The following STXBP2 variants were observed in gnomAD, a reference collection of about 807,000 sequenced individuals.
The protein encoded by STXBP2 is syntaxin-binding protein 2.
Under a neutral mutation model 72.2 loss-of-function variants are expected in STXBP2, and 47 were observed. That is an observed-to-expected ratio of 0.65 (90% CI 0.51 to 0.83). STXBP2 has a LOEUF of 0.83. STXBP2 is among the 40% of genes least tolerant of loss of function. The pLI, the probability that STXBP2 is intolerant of heterozygous loss-of-function variation, is 0.00. For synonymous variants in STXBP2, 367 were observed against 338.7 expected (o/e 1.08, Z -0.92); for missense variants, 702 against 807.6 (o/e 0.87, Z 1.58).
At chr19:7,640,495 T>TGCATCTGTGTGTGTGTGC (rs2031814007) in intron 4 of STXBP2, 1 of 688,124 alleles carries the variant, frequency 1.5e-6, no homozygotes, top group Non-Finnish European at 2.6e-6. Context: ...TATGTGTGTG[T>TGCATCTGTGTGTGTGTGC]GCATCTGTGT....
chr19:7,633,542 G>A (rs1357629060), upstream of STXBP2: 3 of 1,356,308 alleles, frequency 2.2e-6, no homozygotes, highest in African/African-American at 1.4e-5. Flanking sequence ...GGACGTGGGG[G>A]TGTGGATTCC....
At chr19:7,643,334 G>C in intron 13 of STXBP2, 89 bp downstream of exon 13, 2 of 1,385,096 alleles carry the variant, frequency 1.4e-6, no homozygotes, top group Non-Finnish European at 2.0e-6. Context: ...GGGGGGTTCT[G>C]GGGGAGGGGC....
intron 1 of STXBP2, among the ~76,000 whole-genome samples, chr19:7,638,111 G>C (rs1448697404): frequency 6.6e-6 from 1 of 152,198 alleles, no homozygotes; most frequent in Non-Finnish European, 1.5e-5. Flanking sequence ...GGCGCTAGAG[G>C]CAGATAGAGC....
At chr19:7,633,102 G>A (rs140850492), upstream of STXBP2, 4,503 of 1,112,988 alleles carry the variant, frequency 4.0e-3, 112 homozygotes, top group African/African-American at 0.057. Context: ...GTGTCCCGCC[G>A]TCCTAGATTG....
intron 1 of STXBP2, among the ~76,000 whole-genome samples, chr19:7,638,518 C>T (rs1178744052): frequency 2.0e-5 from 3 of 152,018 alleles, no homozygotes; most frequent in African/African-American, 7.2e-5. Flanking sequence ...AAGAGGATCG[C>T]TGGAGCCCAG....
chr19:7,644,801 C>G, intron 14 of STXBP2, 49 bp downstream of exon 14: 1 of 1,612,502 alleles, frequency 6.2e-7, no homozygotes. Flanking sequence ...GCCAGCGTCT[C>G]CCACGATCCT....
At chr19:7,637,832 T>G (rs1275401593) in intron 1 of STXBP2, among the ~76,000 whole-genome samples, 1 of 152,190 alleles carries the variant, frequency 6.6e-6, no homozygotes, top group Non-Finnish European at 1.5e-5. Flanking sequence ...TGGACGTGGC[T>G]GGGCGGGGCC....
chr19:7,639,884 G>A (rs1309896116), intron 4 of STXBP2, 77 bp downstream of exon 4: 1 of 1,414,756 alleles, frequency 7.1e-7, no homozygotes, highest in Non-Finnish European at 9.9e-7. Flanking sequence ...CTGCATGCAT[G>A]TGATTGCATG....
chr19:7,632,751 G>C (rs1411954087), upstream of STXBP2: 3 of 1,566,692 alleles, frequency 1.9e-6, no homozygotes, highest in Non-Finnish European at 2.6e-6. This position sits in a 1 kb window ranked among gnomAD's most constrained non-coding sequence, Gnocchi z 5.2. Flanking sequence ...GGCTTGCAGT[G>C]AACAGCGCTG....
At chr19:7,644,837 CCTT>C (rs764569206) in intron 14 of STXBP2, 85 bp downstream of exon 14, 3 of 1,600,866 alleles carry the variant, frequency 1.9e-6, no homozygotes, top group South Asian at 1.1e-5. Context: ...CCACAGCTCT[CCTT>C]GGGTCATTTG....
At chr19:7,647,558 G>A (rs775355412) in intron 18 of STXBP2, 47 bp downstream of exon 18, 70 of 1,570,716 alleles carry the variant, frequency 4.5e-5, no homozygotes, top group Admixed American at 9.3e-5. Context: ...TTGGGTTCCC[G>A]GGGCCTGGGC....
At chr19:7,646,536 C>T in intron 16 of STXBP2, 192 bp downstream of exon 16, 1 of 662,690 alleles carries the variant, frequency 1.5e-6, no homozygotes, top group Middle Eastern at 3.9e-4. Context: ...ACAGCGGGGC[C>T]TGTGCTGGGG....
the STXBP2 span, chr19:7,630,639 G>A: frequency 6.5e-7 from 1 of 1,537,214 alleles, no homozygotes. Context: ...GTGGTTTGAG[G>A]ACGATGTCAT....
At chr19:7,632,883 C>G (rs2031386310), upstream of STXBP2, 1 of 1,532,706 alleles carries the variant, frequency 6.5e-7, no homozygotes. This position sits in a 1 kb window ranked among gnomAD's most constrained non-coding sequence, Gnocchi z 5.2. Flanking sequence ...GGGCCCCTCC[C>G]CAAACTTCCT....
the STXBP2 span, chr19:7,631,378 C>T: frequency 5.9e-6 from 4 of 672,828 alleles, no homozygotes; most frequent in East Asian, 3.5e-5. Context: ...TGGTCTGGGG[C>T]AGGGTGGTGG....
rs1568465552 is a variant in STXBP2, at chr19:7,640,468, C to CTGTGTGTGCATGTGTGTATG, written c.247-251_247-232dup. 7 of 647,508 alleles carry CTGTGTGTGCATGTGTGTATG rather than the reference C, an allele frequency of 1.1e-5. No individual in the cohort carries two copies. The East Asian group carries it at 1.2e-4, about 11-fold the overall frequency. The allele number at this position is 647,508 out of a possible 1,614,324, so 40.1% of individuals were successfully genotyped here. A position where few individuals can be genotyped will look rare whatever the true frequency, so the allele number is the denominator to read the frequency against. ...TGTGTGTATGTATGTGTGTGCATCTCTGTGTGTGCATGTGTGTATGTGTGT... is the reference window on the plus strand; with the variant it reads ...TGTGTGTATGTATGTGTGTGCATCTCTGTGTGTGCATGTGTGTATGTGTGTGTGCATGTGTGTATGTGTGT... On this transcript the variant is annotated intron_variant, in intron 4 of 18. Coordinates refer to ENST00000221283, the MANE Select transcript of STXBP2 (RefSeq NM_006949.4).
In STXBP2 at chr19:7,644,683, C is replaced by T; in HGVS notation, c.1177C>T (p.Leu393=). Residue 393 remains leucine, a synonymous_variant, in exon 14 of 19, where the codon CTG becomes TTG. Transcript: ENST00000221283. ...KDSMKLIVPV[L]LDAAVPAYDK... The stretch of plus-strand genomic sequence containing the variant: ...CTCCATGAAGCTGATCGTTCCGGTG[C>T]TGCTGGACGCGGCGGTGCCCGCCTA... The T allele has an allele frequency of 6.2e-7, 1 of 1,613,788 alleles. No homozygotes were observed. The highest frequency in any genetic ancestry group is 1.1e-5 in the South Asian group (1 of 91,086).
rs1400360906 is a variant in STXBP2, at chr19:7,647,341, C to G, written c.1539-13C>G. On this transcript the variant is annotated splice_polypyrimidine_tract_variant and intron_variant, in intron 17 of 18. Transcript: ENST00000221283. ...GGCCTCCTGCCTGGACTTTCTGCCC[C>G]TGCCCTGCACAGTGCCCGCTTCGGT... 2 of 1,613,028 alleles carry G rather than the reference C, an allele frequency of 1.2e-6. No homozygotes were observed. Among genetic ancestry groups the G allele is most frequent in the South Asian group, 2.2e-5 (2 of 91,080 alleles).
At position 7,645,280 on chromosome 19, in the gene STXBP2, C is replaced by A. The variant is rs1283496609; in HGVS notation, c.1330C>A (p.Leu444Met). ...HSSLIRNLEQ[L>M]GGTVTNPGGS... The stretch of plus-strand genomic sequence containing the variant: ...CAGCCTCATCCGTAACCTGGAGCAG[C>A]TGGGAGGCACTGTCACCAACCCCGG... The change falls in exon 15 of 19, where the codon CTG becomes ATG. Residue 444 changes from leucine (L) to methionine (M), a missense_variant. Transcript: ENST00000221283. 1 of 1,586,534 alleles carries A rather than the reference C, an allele frequency of 6.3e-7. No homozygotes were observed. The highest frequency in any genetic ancestry group is 1.1e-5 in the South Asian group (1 of 87,284).
Sources: gnomAD v4.1 joint callset for allele counts (sites outside exome capture counted in the v4.1 genomes callset) on GRCh38, gnomAD v4.1.1 for gene constraint, Gnocchi (gnomAD v3.1) non-coding constraint, MANE v1.5 for transcripts, NCBI Gene and HGNC (gene_info 2026-07-23, HGNC 2026-07-21) for gene names.